Variants in MAPDA observed in about 807,000 individuals in gnomAD.
MAPDA encodes the protein N6,N6-dimethyl-AMP deaminase.
the MAPDA span, among the ~76,000 whole-genome samples, chr15:43,333,697 T>A: frequency 2.0e-5 from 3 of 152,372 alleles, no homozygotes; most frequent in South Asian, 6.2e-4. Context: ...TATCAATTTA[T>A]TGATTTTCAA....
the MAPDA span, chr15:43,342,968 A>G: frequency 1.3e-6 from 2 of 1,482,150 alleles, no homozygotes; most frequent in African/African-American, 1.4e-5. Context: ...ATCTCTTTAC[A>G]TGTATTTTCT....
At chr15:43,350,900 A>G in the MAPDA span, 1 of 1,487,374 alleles carries the variant, frequency 6.7e-7, no homozygotes, top group Non-Finnish European at 9.2e-7. Flanking sequence ...GAGTTCACTT[A>G]TTTGCTTTTA....
At chr15:43,351,946 G>A in the MAPDA span, 2 of 1,549,342 alleles carry the variant, frequency 1.3e-6, no homozygotes, top group Non-Finnish European at 1.7e-6. Flanking sequence ...ACATATTTAA[G>A]CTATAATGAG....
the MAPDA span, chr15:43,351,318 C>A: frequency 1.5e-5 from 5 of 333,340 alleles, no homozygotes; most frequent in South Asian, 2.7e-4. Flanking sequence ...AAGAGTGAAA[C>A]TCCATCTCAC....
the MAPDA span, chr15:43,335,019 T>G: frequency 7.5e-7 from 1 of 1,342,002 alleles, no homozygotes; most frequent in Non-Finnish European, 1.1e-6. Flanking sequence ...CTGAAGGAAA[T>G]TCAGTACCAT....
At chr15:43,348,958 A>G in the MAPDA span, 11 of 1,614,172 alleles carry the variant, frequency 6.8e-6, no homozygotes, top group Non-Finnish European at 9.3e-6. Flanking sequence ...GCTTCCTGAC[A>G]GAATCGGGCA....
the MAPDA span, among the ~76,000 whole-genome samples, chr15:43,342,103 T>C: frequency 6.6e-6 from 1 of 152,264 alleles, no homozygotes; most frequent in South Asian, 2.1e-4. Flanking sequence ...CCTCCGAAAC[T>C]GATGGGATTA....
chr15:43,350,902 T>C, the MAPDA span: 1 of 1,494,978 alleles, frequency 6.7e-7, no homozygotes, highest in Non-Finnish European at 9.1e-7. Context: ...GTTCACTTAT[T>C]TGCTTTTAAT....
At chr15:43,347,193 A>T in the MAPDA span, 1 of 998,662 alleles carries the variant, frequency 1.0e-6, no homozygotes, top group Non-Finnish European at 1.5e-6. Flanking sequence ...TTGGAAAAAC[A>T]TTTTTTAAAA....
At chr15:43,346,370 G>A in the MAPDA span, among the ~76,000 whole-genome samples, 1 of 152,198 alleles carries the variant, frequency 6.6e-6, no homozygotes, top group African/African-American at 2.4e-5. Context: ...CTTCTTGAAT[G>A]TCAGATTCAA....
chr15:43,347,100 A>C, the MAPDA span: 1 of 1,609,612 alleles, frequency 6.2e-7, no homozygotes, highest in Non-Finnish European at 8.5e-7. Flanking sequence ...TTCAGAGGTA[A>C]ATAATATTGT....
the MAPDA span, chr15:43,333,192 T>A: frequency 2.6e-5 from 4 of 152,230 alleles, no homozygotes; most frequent in African/African-American, 9.7e-5. Flanking sequence ...GGTGGATCAC[T>A]TGAGCCCAGG....
chr15:43,352,971 G>C, the MAPDA span: 7 of 150,952 alleles, frequency 4.6e-5, no homozygotes, highest in African/African-American at 1.7e-4. Flanking sequence ...TTCAACAAAG[G>C]CTCTCACTCT....
chr15:43,334,430 C>T, the MAPDA span, among the ~76,000 whole-genome samples: 12 of 151,256 alleles, frequency 7.9e-5, no homozygotes, highest in Non-Finnish European at 1.6e-4. Context: ...GAGTTCGAGA[C>T]CAGCCTGGCC....
At chr15:43,352,958 T>C in the MAPDA span, 1 of 152,046 alleles carries the variant, frequency 6.6e-6, no homozygotes, top group East Asian at 1.9e-4. Flanking sequence ...CTTTTTTTTT[T>C]TTTTCAACAA....
At chr15:43,348,429 T>G in the MAPDA span, among the ~76,000 whole-genome samples, 1 of 152,218 alleles carries the variant, frequency 6.6e-6, no homozygotes, top group Admixed American at 6.5e-5. Flanking sequence ...TAATTAAAAA[T>G]TAAAAGCCCA....
the MAPDA span, among the ~76,000 whole-genome samples, chr15:43,348,091 A>G: frequency 6.6e-6 from 1 of 152,236 alleles, no homozygotes; most frequent in African/African-American, 2.4e-5. Context: ...TGTTGCTTTT[A>G]TCATCCAGTC....
chr15:43,347,673 A>G, the MAPDA span, among the ~76,000 whole-genome samples: 1 of 152,184 alleles, frequency 6.6e-6, no homozygotes, highest in African/African-American at 2.4e-5. Flanking sequence ...TTATAAATGG[A>G]TGTATTTTTT....
At chr15:43,339,010 C>T in the MAPDA span, among the ~76,000 whole-genome samples, 6 of 152,232 alleles carry the variant, frequency 3.9e-5, no homozygotes, top group Non-Finnish European at 8.8e-5. Context: ...CTGCATTAGT[C>T]TCATGTGAGC....
Sources: gnomAD v4.1 joint callset for allele counts (sites outside exome capture counted in the v4.1 genomes callset) on GRCh38, gnomAD v4.1.1 for gene constraint, MANE v1.5 for transcripts, NCBI Gene and HGNC (gene_info 2026-07-23, HGNC 2026-07-21) for gene names.